Variants in COG5 observed in about 807,000 individuals in gnomAD.
COG5 encodes the protein conserved oligomeric Golgi complex subunit 5.
COG5 carries 86 observed loss-of-function variants against 110.4 expected under a neutral mutation model. That is an observed-to-expected ratio of 0.78 (90% CI 0.65 to 0.93). COG5 has a LOEUF of 0.93. Among genes scored for constraint, COG5 ranks in the 40% least tolerant of loss-of-function variants. The pLI, the probability that COG5 is intolerant of heterozygous loss-of-function variation, is 0.00. For synonymous variants in COG5, 360 were observed against 334.6 expected (o/e 1.08, Z -0.83); for missense variants, 1,077 against 987.0 (o/e 1.09, Z -1.22).
chr7:107,551,751 G>A (rs958624140), intron 3 of COG5, among the ~76,000 whole-genome samples: 3 of 152,080 alleles, frequency 2.0e-5, no homozygotes, highest in Admixed American at 6.6e-5. Context: ...CCAAGTAGCT[G>A]GGACTAGAAA....
At chr7:107,501,163 A>G (rs1207831305) in intron 6 of COG5, among the ~76,000 whole-genome samples, 1 of 152,118 alleles carries the variant, frequency 6.6e-6, no homozygotes, top group Non-Finnish European at 1.5e-5. Context: ...AACAGTCAAC[A>G]ATAGAATAAG....
chr7:107,416,015 C>A (rs112785739), intron 6 of COG5, among the ~76,000 whole-genome samples: 2,788 of 112,524 alleles, frequency 0.025, 428 homozygotes, highest in African/African-American at 0.029. Flanking sequence ...CACACATACA[C>A]GTATGTATAT....
chr7:107,328,617 G>A (rs1739560729), intron 10 of COG5, among the ~76,000 whole-genome samples: 2 of 152,048 alleles, frequency 1.3e-5, no homozygotes, highest in South Asian at 4.1e-4. Flanking sequence ...CAAGAGATGG[G>A]GGACAGGGAA....
chr7:107,425,244 G>A (rs1328466120), intron 6 of COG5, among the ~76,000 whole-genome samples: 1 of 150,986 alleles, frequency 6.6e-6, no homozygotes, highest in African/African-American at 2.4e-5. Flanking sequence ...ACTGATAGAA[G>A]CCCTTTGTTT....
intron 6 of COG5, among the ~76,000 whole-genome samples, chr7:107,462,981 G>C (rs1169301438): frequency 6.6e-6 from 1 of 152,130 alleles, no homozygotes; most frequent in African/African-American, 2.4e-5. Flanking sequence ...GTTAATCAAG[G>C]GGCATATTGG....
chr7:107,343,408 T>C (rs569236591), intron 10 of COG5, among the ~76,000 whole-genome samples: 1 of 152,222 alleles, frequency 6.6e-6, no homozygotes, highest in African/African-American at 2.4e-5. Flanking sequence ...AGGCCAGGCA[T>C]AGTGGTTCAT....
intron 12 of COG5, among the ~76,000 whole-genome samples, chr7:107,288,907 G>GACAT (rs1805886225): frequency 5.3e-5 from 5 of 94,152 alleles, no homozygotes; most frequent in African/African-American, 1.8e-4. Flanking sequence ...TTCTAACAGA[G>GACAT]ATATATATAT....
intron 6 of COG5, among the ~76,000 whole-genome samples, chr7:107,453,958 T>C (rs1795506078): frequency 6.7e-6 from 1 of 149,618 alleles, no homozygotes; most frequent in Non-Finnish European, 1.5e-5. Flanking sequence ...ATGTGAAATA[T>C]CCAAATCAAA....
Position 107,254,440 on chromosome 7 carries a change from T to C in COG5, c.1749+2292A>G, listed in dbSNP as rs1465329844. Among the ~76,000 whole-genome samples the C allele has an allele frequency of 2.0e-5, 3 of 152,168 alleles. No homozygotes were observed. The East Asian group carries it at 5.8e-4, about 29-fold the overall frequency. On this transcript the variant is annotated intron_variant, in intron 16 of 21. Coordinates refer to ENST00000297135, the MANE Select transcript of COG5 (RefSeq NM_006348.5). ...ATAACAGTTTTTTATAAGACTTAAA[T>C]AGCAAAGTTAAAACTTTCACTGAGT...
intron 6 of COG5, among the ~76,000 whole-genome samples, chr7:107,430,156 G>C (rs1251635806): frequency 6.6e-6 from 1 of 151,960 alleles, no homozygotes; most frequent in Non-Finnish European, 1.5e-5. Flanking sequence ...TGTGCTTTTG[G>C]TGTTTTATCT....
intron 10 of COG5, among the ~76,000 whole-genome samples, chr7:107,324,852 T>C (rs1809628530): frequency 3.9e-5 from 6 of 152,180 alleles, no homozygotes; most frequent in Admixed American, 3.9e-4. Flanking sequence ...AACAAATTAA[T>C]AAAAGTCTTG....
chr7:107,259,637 A>C (rs1303283042), intron 14 of COG5, among the ~76,000 whole-genome samples: 1 of 152,176 alleles, frequency 6.6e-6, no homozygotes, highest in Non-Finnish European at 1.5e-5. Context: ...TGGGCATTTA[A>C]AAGTTACAAG....
At chr7:107,412,026 G>A (rs1792339052) in intron 7 of COG5, among the ~76,000 whole-genome samples, 1 of 152,120 alleles carries the variant, frequency 6.6e-6, no homozygotes, top group Non-Finnish European at 1.5e-5. Context: ...ATGGCATAAT[G>A]ATTAAGAGTG....
At chr7:107,444,382 T>C (rs1184861835) in intron 6 of COG5, among the ~76,000 whole-genome samples, 1 of 152,166 alleles carries the variant, frequency 6.6e-6, no homozygotes, top group African/African-American at 2.4e-5. Context: ...AGAGCAATAA[T>C]TAAAAGTAAA....
intron 14 of COG5, among the ~76,000 whole-genome samples, chr7:107,270,096 C>CGGCA (rs1290339203): frequency 6.6e-6 from 1 of 152,172 alleles, no homozygotes; most frequent in Non-Finnish European, 1.5e-5. Flanking sequence ...TTGGACTTGC[C>CGGCA]TCTTCAGTCC....
At chr7:107,259,640 G>A (rs1385701883) in intron 14 of COG5, among the ~76,000 whole-genome samples, 1 of 152,058 alleles carries the variant, frequency 6.6e-6, no homozygotes, top group African/African-American at 2.4e-5. Flanking sequence ...GCATTTAAAA[G>A]TTACAAGCTC....
chr7:107,549,297 G>A (rs922113885), intron 3 of COG5: 1 of 152,210 alleles, frequency 6.6e-6, no homozygotes, highest in African/African-American at 2.4e-5. Context: ...AGAAATCTAT[G>A]AGTTGCCGAA....
In COG5 at chr7:107,247,436, T is replaced by G. The variant is rs143979075; in HGVS notation, c.1853+960A>C. Among the ~76,000 whole-genome samples, 261 of 152,272 alleles carry G rather than the reference T, an allele frequency of 1.7e-3. 2 individuals carry two copies. Among genetic ancestry groups the G allele is most frequent in the African/African-American group, 6.0e-3 (251 of 41,554 alleles). ...AATAAGTTGAAAAAGTAGAGGACAG[T>G]GAAATAATATTTTTCTATAAATAGC... On this transcript the variant is annotated intron_variant, in intron 17 of 21. Coordinates refer to ENST00000297135, the MANE Select transcript of COG5 (RefSeq NM_006348.5).
chr7:107,439,576 A>T (rs1229465864), intron 6 of COG5, among the ~76,000 whole-genome samples: 1 of 151,914 alleles, frequency 6.6e-6, no homozygotes, highest in Non-Finnish European at 1.5e-5. Flanking sequence ...TATTTCCATA[A>T]ATTTGGCTAA....
Sources: gnomAD v4.1 joint callset for allele counts (sites outside exome capture counted in the v4.1 genomes callset) on GRCh38, gnomAD v4.1.1 for gene constraint, MANE v1.5 for transcripts, NCBI Gene and HGNC (gene_info 2026-07-23, HGNC 2026-07-21) for gene names.